The following MACROH2A1 variants were observed in gnomAD, a reference collection of about 807,000 sequenced individuals.
MACROH2A1 encodes the protein core histone macro-H2A.1.
MACROH2A1 carries 2 observed loss-of-function variants against 31.6 expected under a neutral mutation model. That is an observed-to-expected ratio of 0.06 (90% confidence interval 0.03 to 0.20). The LOEUF (loss-of-function observed/expected upper bound fraction) is 0.20. MACROH2A1 is among the 10% of genes least tolerant of loss of function. The pLI is 1.00. For synonymous variants in MACROH2A1, 169 were observed against 189.6 expected, an observed-to-expected ratio of 0.89 and a Z score of 0.89; for missense variants, 230 against 474.0, an observed-to-expected ratio of 0.49 and a Z score of 4.78.
chr5:135,344,956 C>T (rs2149742719), intron 7 of MACROH2A1: 1 of 152,350 alleles, frequency 6.6e-6, no homozygotes, highest in African/African-American at 2.4e-5. Context: ...ACAGGCTGGT[C>T]AAACAGGTGT....
At chr5:135,342,823 C>A (rs1247583550) in intron 8 of MACROH2A1, among the ~76,000 whole-genome samples, 1 of 152,156 alleles carries the variant, frequency 6.6e-6, no homozygotes, top group Non-Finnish European at 1.5e-5. Flanking sequence ...AGGAAAGGGG[C>A]AGAGGGCTTT....
chr5:135,338,767 C>CTT (rs143276474), intron 8 of MACROH2A1, among the ~76,000 whole-genome samples: 18,869 of 152,230 alleles, frequency 0.12, 1,775 homozygotes, highest in African/African-American at 0.27. Flanking sequence ...GCCAGCCACT[C>CTT]TGTCCTACAG....
intron 4 of MACROH2A1, among the ~76,000 whole-genome samples, chr5:135,368,559 G>A (rs1763804150): frequency 6.6e-6 from 1 of 152,256 alleles, no homozygotes; most frequent in African/African-American, 2.4e-5. Context: ...GTACCTCAGA[G>A]CAGGGCAGCC....
rs572423417 is a variant in MACROH2A1, at chr5:135,365,420, C to A, written c.477+3986G>T. On this transcript the variant is annotated intron_variant, in intron 4 of 8. Transcript: ENST00000511689. ...CTCTGCTCCAGTATCATGAGAGTAA[C>A]CTCACCTCACTGCCTATGTAAAATA... 1.3e-5 allele frequency among the ~76,000 whole-genome samples: 2 copies of A among 152,224 alleles called. 1 individual carries two copies. The highest frequency in any genetic ancestry group is 4.2e-4 in the South Asian group (2 of 4,818).
At chr5:135,355,297 C>T (rs1391362867) in intron 5 of MACROH2A1, 1 of 455,750 alleles carries the variant, frequency 2.2e-6, no homozygotes, top group South Asian at 1.5e-5. Flanking sequence ...CACTACCTTC[C>T]CTTCTGACCA....
rs3836765 is a variant in MACROH2A1, at chr5:135,348,430, CA to C, written c.689-2374del. Among the ~76,000 whole-genome samples, 36 of 152,352 alleles carry C rather than the reference CA, an allele frequency of 2.4e-4. 1 individual carries two copies. The East Asian group carries it at 6.9e-3, about 29-fold the overall frequency. ...GCCTAAGCGAAAATTTAGGCTTGGA[CA>C]AATGTCAGGCTAGGCCTGTGGTCTA... On this transcript the variant is annotated intron_variant, in intron 6 of 8. Transcript: ENST00000511689.
chr5:135,357,831 A>C, intron 5 of MACROH2A1: 1 of 984,882 alleles, frequency 1.0e-6, no homozygotes. Context: ...TCAGTATGTG[A>C]AATACATCAT....
At chr5:135,346,297 G>C (rs149701711) in intron 6 of MACROH2A1, 132 of 520,012 alleles carry the variant, frequency 2.5e-4, no homozygotes, top group African/African-American at 2.1e-3. Context: ...ATTTGGGTCT[G>C]ACTCAGGGTG....
rs111271916 is a variant in MACROH2A1, at chr5:135,391,659, T to C, written c.-33-2533A>G. On this transcript the variant is annotated intron_variant, in intron 1 of 8. Coordinates refer to ENST00000511689, the MANE Select transcript of MACROH2A1 (RefSeq NM_138610.3). ...CCCACTTACAAGTCCCATGGGTGCC[T>C]TGAACTCCTCTGGGTCTCTCAGCCT... 2.1e-3 allele frequency among the ~76,000 whole-genome samples: 320 copies of C among 152,328 alleles called. 2 individuals are homozygous for C. The highest frequency in any genetic ancestry group is 7.3e-3 in the African/African-American group (302 of 41,576).
At chr5:135,386,998 G>A (rs1766506208) in intron 2 of MACROH2A1, among the ~76,000 whole-genome samples, 1 of 152,214 alleles carries the variant, frequency 6.6e-6, no homozygotes, top group African/African-American at 2.4e-5. Flanking sequence ...CAGCAGCCTG[G>A]AGTTGGAGTA....
chr5:135,356,879 A>T (rs1762239393), intron 5 of MACROH2A1: 1 of 152,234 alleles, frequency 6.6e-6, no homozygotes. Context: ...TAGTATGTTA[A>T]ATCTAGCCTG....
At chr5:135,388,855 T>C (rs1766795051) in intron 2 of MACROH2A1, 67 bp downstream of exon 2, 1 of 1,335,432 alleles carries the variant, frequency 7.5e-7, no homozygotes, top group Middle Eastern at 1.9e-4. Context: ...AAAAGTGGTC[T>C]TTGGAGAACT....
chr5:135,380,754 C>T (rs1305033267), intron 2 of MACROH2A1, among the ~76,000 whole-genome samples: 1 of 152,114 alleles, frequency 6.6e-6, no homozygotes, highest in Non-Finnish European at 1.5e-5. Context: ...TTTTGATTTC[C>T]TGTATTTTTG....
At chr5:135,394,774 C>T (rs533569301) in intron 1 of MACROH2A1, among the ~76,000 whole-genome samples, 41 of 152,144 alleles carry the variant, frequency 2.7e-4, no homozygotes, top group Non-Finnish European at 5.6e-4. Flanking sequence ...TGAAACGAAC[C>T]AATTTGCTCT....
At chr5:135,350,683 C>T in intron 6 of MACROH2A1, 1 of 576,782 alleles carries the variant, frequency 1.7e-6, no homozygotes, top group Non-Finnish European at 3.1e-6. Context: ...AGGTTCACAA[C>T]CCAGGGACAG....
At chr5:135,389,165 G>T (rs1766846699) in intron 1 of MACROH2A1, 39 bp from the exon 2 acceptor site, 8 of 1,472,202 alleles carry the variant, frequency 5.4e-6, no homozygotes, top group Non-Finnish European at 6.5e-6. Context: ...GGTGGCTGGG[G>T]ACAGCACATG....
At chr5:135,394,284 C>T (rs1767657198) in intron 1 of MACROH2A1, among the ~76,000 whole-genome samples, 2 of 152,200 alleles carry the variant, frequency 1.3e-5, no homozygotes, top group Non-Finnish European at 2.9e-5. Context: ...AGTAATCCTG[C>T]CTACTGGTCC....
rs1378009573 is a variant in MACROH2A1 at position 135,370,020 on chromosome 5, T to C, written c.279+16A>G. 5 of 1,515,210 alleles carry C rather than the reference T, an allele frequency of 3.3e-6. No individual in the cohort carries two copies. Among genetic ancestry groups the C allele is most frequent in the Admixed American group, 3.4e-5 (2 of 59,670 alleles). The allele number at this position is 1,515,210 out of a possible 1,614,324, so 93.9% of individuals were successfully genotyped here. On this transcript the variant is annotated intron_variant, in intron 3 of 8. Transcript: ENST00000511689. ...CACCTGCTCAAACATCAGTGGGAGA[T>C]GGGAGAGGCCCATACCTGATTCAGC...
intron 2 of MACROH2A1, among the ~76,000 whole-genome samples, chr5:135,382,874 C>T (rs1364600769): frequency 2.6e-5 from 4 of 152,230 alleles, no homozygotes. Flanking sequence ...TGAACAATTT[C>T]ATGGACTCTT....
Sources: gnomAD v4.1 joint callset for allele counts (sites outside exome capture counted in the v4.1 genomes callset) on GRCh38, gnomAD v4.1.1 for gene constraint, MANE v1.5 for transcripts, NCBI Gene and HGNC (gene_info 2026-07-23, HGNC 2026-07-21) for gene names.